Variants in ERC2 observed in about 807,000 individuals in gnomAD.
ERC2 encodes the protein ELKS/RAB6-interacting/CAST family member 2.
Under a neutral mutation model 114.8 loss-of-function variants are expected in ERC2, and 42 were observed. The observed-to-expected ratio is 0.37, with a 90% CI of 0.29 to 0.47. The LOEUF (loss-of-function observed/expected upper bound fraction) is 0.47. ERC2 is among the 20% of genes least tolerant of loss of function. The pLI, the probability that ERC2 is intolerant of heterozygous loss-of-function variation, is 0.99. For missense variants in ERC2, 939 were observed against 1,150.7 expected (o/e 0.82, Z 2.66); for synonymous variants, 454 against 425.5 (o/e 1.07, Z -0.82).
chr3:55,761,447 G>C (rs1225888512), intron 14 of ERC2, among the ~76,000 whole-genome samples: 2 of 151,320 alleles, frequency 1.3e-5, no homozygotes, highest in Admixed American at 6.6e-5. Context: ...GGCTTTCCAT[G>C]TGTTATCTGG....
Position 55,532,384 on chromosome 3 carries a change from G to A in ERC2, c.*40-21108C>T, listed in dbSNP as rs2053724267. ...ATGATTACAAACAACACCAGCAACA[G>A]GGACTAAGCTGGGGCTTGTCATGGG... On this transcript the variant is annotated intron_variant, in intron 17 of 17. Coordinates refer to ENST00000288221, the MANE Select transcript of ERC2 (RefSeq NM_015576.3). 1.3e-5 allele frequency among the ~76,000 whole-genome samples: 2 copies of A among 152,186 alleles called. 1 individual carries two copies.
At chr3:56,099,991 GA>G (rs1273565455) in intron 6 of ERC2, among the ~76,000 whole-genome samples, 6 of 150,188 alleles carry the variant, frequency 4.0e-5, no homozygotes, top group East Asian at 3.9e-4. Context: ...TTATTGGGGA[GA>G]AAAAAAAAGG....
At chr3:56,081,916 A>C (rs1434716268) in intron 6 of ERC2, among the ~76,000 whole-genome samples, 3 of 152,204 alleles carry the variant, frequency 2.0e-5, no homozygotes, top group African/African-American at 4.8e-5. Context: ...AATGTACACT[A>C]ATCCAGTCTT....
intron 14 of ERC2, among the ~76,000 whole-genome samples, chr3:55,838,675 T>C (rs961102034): frequency 5.3e-5 from 8 of 151,602 alleles, no homozygotes; most frequent in Admixed American, 2.0e-4. Flanking sequence ...TTTGAAAAGA[T>C]CACTTAAGTT....
chr3:56,063,833 T>C (rs939628584), intron 7 of ERC2, among the ~76,000 whole-genome samples: 3 of 152,216 alleles, frequency 2.0e-5, no homozygotes, highest in African/African-American at 7.2e-5. Flanking sequence ...CATTTTCTGA[T>C]ACTTCTCTGT....
chr3:55,914,192 G>C (rs192806683), intron 13 of ERC2, among the ~76,000 whole-genome samples: 1 of 152,184 alleles, frequency 6.6e-6, no homozygotes, highest in South Asian at 2.1e-4. Context: ...GAAATCTCTA[G>C]ATATACACAG....
At chr3:56,392,392 T>C (rs1007155895) in intron 2 of ERC2, among the ~76,000 whole-genome samples, 1 of 152,216 alleles carries the variant, frequency 6.6e-6, no homozygotes, top group Admixed American at 6.5e-5. Flanking sequence ...AAGTATCCTC[T>C]ATCTTTCTTG....
At chr3:56,346,182 C>CTA (rs140828686) in intron 2 of ERC2, among the ~76,000 whole-genome samples, 3,490 of 152,064 alleles carry the variant, frequency 0.023, 42 homozygotes, top group South Asian at 0.071. Context: ...AAAGGACACG[C>CTA]TATATATATA....
chr3:55,963,208 T>C (rs1026386049), intron 12 of ERC2, among the ~76,000 whole-genome samples: 2 of 152,206 alleles, frequency 1.3e-5, no homozygotes, highest in Admixed American at 6.5e-5. Context: ...TCTGAACCCA[T>C]TAATCTCAAG....
At chr3:56,276,410 G>A in intron 3 of ERC2, among the ~76,000 whole-genome samples, 1 of 140,954 alleles carries the variant, frequency 7.1e-6, no homozygotes, top group Non-Finnish European at 1.5e-5. Context: ...ATCATGCTGG[G>A]ATACTGCCAT....
intron 3 of ERC2, among the ~76,000 whole-genome samples, chr3:56,261,819 G>A (rs781158173): frequency 1.3e-5 from 2 of 152,118 alleles, no homozygotes; most frequent in Admixed American, 6.5e-5. Context: ...GAGGTATTAC[G>A]TCTAGTATCC....
intron 9 of ERC2, among the ~76,000 whole-genome samples, chr3:56,009,049 T>C (rs1016910210): frequency 2.0e-5 from 3 of 152,186 alleles, no homozygotes; most frequent in Non-Finnish European, 4.4e-5. Flanking sequence ...AAACAACAAG[T>C]GTTTACCAAA....
At chr3:56,134,863 G>A (rs919558288) in intron 6 of ERC2, among the ~76,000 whole-genome samples, 12 of 151,974 alleles carry the variant, frequency 7.9e-5, no homozygotes, top group African/African-American at 4.8e-5. Context: ...AAACCATGCC[G>A]AGTTGGAGAA....
chr3:56,360,778 T>C (rs550257325), intron 2 of ERC2, among the ~76,000 whole-genome samples: 20 of 152,122 alleles, frequency 1.3e-4, no homozygotes, highest in African/African-American at 4.8e-4. Context: ...CATGGTGGCA[T>C]AGGCATGTAA....
At chr3:56,444,941 G>A (rs1022047092) in intron 1 of ERC2, among the ~76,000 whole-genome samples, 2 of 152,174 alleles carry the variant, frequency 1.3e-5, no homozygotes, top group African/African-American at 4.8e-5. Context: ...ATGGAAAACA[G>A]ATCTCAAACA....
At chr3:56,351,677 T>C (rs1339382755) in intron 2 of ERC2, among the ~76,000 whole-genome samples, 1 of 152,098 alleles carries the variant, frequency 6.6e-6, no homozygotes, top group African/African-American at 2.4e-5. Context: ...GGGAGGTTTG[T>C]TGGAGGAGGT....
intron 3 of ERC2, among the ~76,000 whole-genome samples, chr3:56,283,326 A>G (rs1022767983): frequency 6.6e-6 from 1 of 152,174 alleles, no homozygotes; most frequent in African/African-American, 2.4e-5. Flanking sequence ...ACAGTGGAAC[A>G]CCTACATTAA....
At chr3:56,208,943 T>C (rs951170415) in intron 3 of ERC2, among the ~76,000 whole-genome samples, 4 of 152,006 alleles carry the variant, frequency 2.6e-5, no homozygotes, top group Non-Finnish European at 5.9e-5. Flanking sequence ...AAATGAGAAA[T>C]GAGGGGCCTG....
intron 17 of ERC2, among the ~76,000 whole-genome samples, chr3:55,671,993 T>A (rs1299452990): frequency 6.6e-6 from 1 of 152,214 alleles, no homozygotes; most frequent in African/African-American, 2.4e-5. Context: ...CTATTAATGC[T>A]GTTTAATCCA....
Sources: gnomAD v4.1 joint callset for allele counts (sites outside exome capture counted in the v4.1 genomes callset) on GRCh38, gnomAD v4.1.1 for gene constraint, MANE v1.5 for transcripts, NCBI Gene and HGNC (gene_info 2026-07-23, HGNC 2026-07-21) for gene names.